Variants in PTPRD observed in about 807,000 individuals in gnomAD.
PTPRD encodes protein tyrosine phosphatase receptor type D.
Under a neutral mutation model 214.5 loss-of-function variants are expected in PTPRD, and 34 were observed. That is an observed-to-expected ratio of 0.16 (90% confidence interval 0.12 to 0.21). PTPRD has a LOEUF of 0.21. PTPRD is among the 10% of genes least tolerant of loss of function. The pLI is 1.00. For missense variants in PTPRD, 2,545 were observed against 2,398.7 expected (o/e 1.06, Z -1.27); for synonymous variants, 1,128 against 845.7 (o/e 1.33, Z -5.79).
At chr9:9,674,190 G>T (rs1402163672) in intron 7 of PTPRD, among the ~76,000 whole-genome samples, 3 of 151,794 alleles carry the variant, frequency 2.0e-5, no homozygotes, top group African/African-American at 4.8e-5. Context: ...AACAAAAGTA[G>T]TAAATAAATG....
chr9:10,109,359 G>A (rs1460325582), intron 3 of PTPRD, among the ~76,000 whole-genome samples: 2 of 152,096 alleles, frequency 1.3e-5, no homozygotes, highest in Non-Finnish European at 2.9e-5. Context: ...ATATTTTGGG[G>A]AACAAAGTAA....
In PTPRD at chr9:8,975,362, C is replaced by A. The variant is rs75895321; in HGVS notation, c.-104+43335G>T. Reference sequence around the variant, plus strand: ...TGCTTTTCAGTTGAAGAAACTGAGGCCTAGGAAGATTAGGTAACTTGTGTG... The same window carrying A: ...TGCTTTTCAGTTGAAGAAACTGAGGACTAGGAAGATTAGGTAACTTGTGTG... On this transcript the variant is annotated intron_variant, in intron 11 of 45. Coordinates refer to ENST00000381196, the MANE Select transcript of PTPRD (RefSeq NM_002839.4). 1.8e-3 allele frequency among the ~76,000 whole-genome samples: 278 copies of A among 151,932 alleles called. 2 individuals are homozygous for A. Among genetic ancestry groups the A allele is most frequent in the African/African-American group, 6.6e-3 (272 of 41,462 alleles).
At chr9:9,841,135 A>G (rs1197258780) in intron 5 of PTPRD, among the ~76,000 whole-genome samples, 3 of 152,240 alleles carry the variant, frequency 2.0e-5, no homozygotes, top group Non-Finnish European at 4.4e-5. Flanking sequence ...AAGGTTGCCT[A>G]AAATATTTAC....
At chr9:10,529,578 G>A (rs1391219797) in intron 2 of PTPRD, among the ~76,000 whole-genome samples, 2 of 151,022 alleles carry the variant, frequency 1.3e-5, no homozygotes, top group African/African-American at 4.9e-5. Flanking sequence ...GGGGATGGGG[G>A]GCAAGGGGAA....
At chr9:10,401,122 T>A (rs1436438791) in intron 2 of PTPRD, among the ~76,000 whole-genome samples, 1 of 151,732 alleles carries the variant, frequency 6.6e-6, no homozygotes, top group Non-Finnish European at 1.5e-5. Flanking sequence ...TACCTTACTC[T>A]ACATACCAAT....
intron 10 of PTPRD, among the ~76,000 whole-genome samples, chr9:9,166,802 A>C (rs576753584): frequency 1.3e-3 from 196 of 152,240 alleles, no homozygotes; most frequent in African/African-American, 4.5e-3. Flanking sequence ...AAATCTTCAA[A>C]ACCCCTCCTT....
intron 11 of PTPRD, among the ~76,000 whole-genome samples, chr9:9,002,831 T>C (rs2099429284): frequency 6.6e-6 from 1 of 152,056 alleles, no homozygotes; most frequent in African/African-American, 2.4e-5. Context: ...ATTGCACCCA[T>C]CAAGTAAGGG....
chr9:10,208,502 A>C (rs941952927), intron 3 of PTPRD, among the ~76,000 whole-genome samples: 1 of 152,250 alleles, frequency 6.6e-6, no homozygotes, highest in Non-Finnish European at 1.5e-5. Context: ...CGACAGAGCG[A>C]GACTGCGTCT....
At chr9:9,649,325 AT>A (rs34055075) in intron 7 of PTPRD, among the ~76,000 whole-genome samples, 1 of 152,170 alleles carries the variant, frequency 6.6e-6, no homozygotes, top group East Asian at 1.9e-4. Context: ...TACATATTAC[AT>A]TTTAGAGTCA....
intron 35 of PTPRD, among the ~76,000 whole-genome samples, chr9:8,425,751 G>T (rs2094621860): frequency 6.6e-6 from 1 of 152,058 alleles, no homozygotes; most frequent in Non-Finnish European, 1.5e-5. Context: ...TCCAGTAAAT[G>T]TTAAACAGAT....
intron 3 of PTPRD, among the ~76,000 whole-genome samples, chr9:10,059,626 TA>T (rs1469719652): frequency 6.6e-6 from 1 of 152,112 alleles, no homozygotes; most frequent in Admixed American, 6.6e-5. Flanking sequence ...TGTCTTTTAT[TA>T]TTTTCTCTAT....
intron 5 of PTPRD, among the ~76,000 whole-genome samples, chr9:9,898,402 C>T (rs956082390): frequency 5.3e-5 from 8 of 151,974 alleles, no homozygotes; most frequent in Non-Finnish European, 1.0e-4. Flanking sequence ...TCAATAAAAG[C>T]AGGACTCACA....
intron 9 of PTPRD, among the ~76,000 whole-genome samples, chr9:9,341,801 A>T (rs562690338): frequency 2.0e-5 from 3 of 151,846 alleles, no homozygotes; most frequent in South Asian, 2.1e-4. Context: ...GATTTTATTT[A>T]TTATTATTAT....
intron 11 of PTPRD, among the ~76,000 whole-genome samples, chr9:8,931,168 C>T (rs981009211): frequency 4.0e-5 from 6 of 151,872 alleles, no homozygotes; most frequent in East Asian, 1.9e-4. Context: ...CCAGTTTCAG[C>T]TTTCTACATA....
At chr9:8,794,279 A>C (rs774084749) in intron 11 of PTPRD, among the ~76,000 whole-genome samples, 2 of 152,204 alleles carry the variant, frequency 1.3e-5, no homozygotes, top group African/African-American at 2.4e-5. Flanking sequence ...AATATGTTTA[A>C]CTTAAGGCAG....
At chr9:8,414,315 G>A (rs2131195990) in intron 35 of PTPRD, among the ~76,000 whole-genome samples, 1 of 152,298 alleles carries the variant, frequency 6.6e-6, no homozygotes. Flanking sequence ...TATCACCTGT[G>A]ACAGCCTTTT....
intron 5 of PTPRD, among the ~76,000 whole-genome samples, chr9:9,905,596 T>C (rs370362869): frequency 6.6e-6 from 1 of 151,518 alleles, no homozygotes; most frequent in African/African-American, 2.4e-5. Flanking sequence ...AATAATATAC[T>C]GGTCCCTATT....
rs148566658 is a variant in PTPRD, at chr9:9,995,410, G to A, written c.-472+38308C>T. On this transcript the variant is annotated intron_variant, in intron 4 of 45. Coordinates refer to ENST00000381196, the MANE Select transcript of PTPRD (RefSeq NM_002839.4). ...TAGCTTTGTCATGCTAATTCATGAG[G>A]TGTACATGTCCTGTGGAGATATTAA... Among the ~76,000 whole-genome samples, 7 of 152,318 alleles carry A rather than the reference G, an allele frequency of 4.6e-5. No individual in the cohort carries two copies. The East Asian group carries it at 1.3e-3, about 29-fold the overall frequency.
chr9:8,640,341 C>A (rs2096546556), intron 12 of PTPRD, among the ~76,000 whole-genome samples: 1 of 151,902 alleles, frequency 6.6e-6, no homozygotes, highest in African/African-American at 2.4e-5. Context: ...AAGAGTGAAA[C>A]TCCATCTCAA....
Sources: allele counts gnomAD v4.1 joint callset (sites outside exome capture counted in the v4.1 genomes callset), GRCh38; gene constraint gnomAD v4.1.1; transcripts MANE v1.5; gene names NCBI Gene and HGNC (gene_info 2026-07-23, HGNC 2026-07-21).